The following PWWP2B variants were observed in gnomAD, a reference collection of about 807,000 sequenced individuals.
The protein encoded by PWWP2B is PWWP domain-containing protein 2B.
In PWWP2B, 9 loss-of-function variants were observed where a neutral mutation model predicts 15.5. That is an observed-to-expected ratio of 0.58 (90% CI 0.35 to 1.02). PWWP2B has a LOEUF of 1.02. Ranked by LOEUF, PWWP2B falls within the 50% of genes least tolerant of loss-of-function variation. The pLI is 0.02. For synonymous variants in PWWP2B, 474 were observed against 403.6 expected, an observed-to-expected ratio of 1.17 and a Z score of -2.09; for missense variants, 864 against 865.3, an observed-to-expected ratio of 1.00 and a Z score of 0.02.
chr10:132,405,853 C>T lies in PWWP2B; in HGVS notation c.1353C>T (p.Gly451=), dbSNP rs370742876. ...CGGGTGACCTCTCGCCTGGCCACGG[C>T]GCGTCAGCGCCCTCGGTGTCCAGAG... ...ADTGDLSPGH[G]ASAPSVSREA... The change falls in exon 2 of 3, where the codon GGC becomes GGT. Residue 451 remains glycine (G), a synonymous_variant. Transcript: ENST00000305233. The T allele has an allele frequency of 7.0e-5, 113 of 1,610,880 alleles. 1 individual carries two copies. The Admixed American group carries it at 9.0e-4, about 13-fold the overall frequency.
rs1000554207 is a variant in PWWP2B at position 132,405,776 on chromosome 10, G to A, written c.1276G>A (p.Asp426Asn). The stretch of plus-strand genomic sequence containing the variant: ...TGCCAGTGAGTCGGCGTGCAGCAGC[G>A]ACAGCCTGGACGAGGCCAGATCGTC... ...DCASESACSS[D>N]SLDEARSSGS... is the part of the protein sequence containing the mutation. The change falls in exon 2 of 3, where the codon GAC becomes AAC. Residue 426 changes from aspartate to asparagine, a missense_variant. This residue lies in a region of PWWP2B where 736 missense variants were observed against 687.7 expected (regional missense o/e 1.07). Transcript: ENST00000305233. 5.6e-6 allele frequency: 9 copies of A among 1,606,918 alleles called. No individual in the cohort carries two copies. The highest frequency in any genetic ancestry group is 2.7e-5 in the African/African-American group (2 of 74,926).
chr10:132,416,822 G>T (rs2069863620), intron 2 of PWWP2B, among the ~76,000 whole-genome samples: 1 of 152,130 alleles, frequency 6.6e-6, no homozygotes, highest in African/African-American at 2.4e-5. Flanking sequence ...CCTGTGGACT[G>T]CGGGACTTCA....
chr10:132,414,233 CAT>C (rs571915619), intron 2 of PWWP2B, among the ~76,000 whole-genome samples: 10 of 152,354 alleles, frequency 6.6e-5, no homozygotes, highest in Non-Finnish European at 7.3e-5. Flanking sequence ...GCCCGTTACA[CAT>C]GTTTCTAATG....
At chr10:132,399,117 G>C (rs1246258139) in intron 1 of PWWP2B, among the ~76,000 whole-genome samples, 1 of 151,138 alleles carries the variant, frequency 6.6e-6, no homozygotes, top group Non-Finnish European at 1.5e-5. Flanking sequence ...CCGAGTCCCA[G>C]GGCTCCTGTT....
At chr10:132,401,018 G>A (rs868668862) in intron 1 of PWWP2B, among the ~76,000 whole-genome samples, 13 of 152,346 alleles carry the variant, frequency 8.5e-5, no homozygotes, top group Non-Finnish European at 1.5e-4. Flanking sequence ...TGCTCCTCCC[G>A]GCCATGGTCC....
intron 2 of PWWP2B, among the ~76,000 whole-genome samples, chr10:132,415,754 A>G (rs1360963319): frequency 6.6e-6 from 1 of 151,522 alleles, no homozygotes; most frequent in Non-Finnish European, 1.5e-5. Flanking sequence ...CACACACACA[A>G]TGTTTGGCTA....
At position 132,415,701 on chromosome 10, in the gene PWWP2B, TCACACACATCCACTCA is replaced by T. The variant is rs1219771834; in HGVS notation, c.*17-1337_*17-1322del. ...CACATATCCACACACACATGCACTC[TCACACACATCCACTCA>T]CACACACATCCACTCACACACATCC... On this transcript the variant is annotated intron_variant, in intron 2 of 2. Coordinates refer to ENST00000305233, the MANE Select transcript of PWWP2B (RefSeq NM_138499.4). Among the ~76,000 whole-genome samples, 779 of 126,936 alleles carry T rather than the reference TCACACACATCCACTCA, an allele frequency of 6.1e-3. 13 individuals are homozygous for T. Among genetic ancestry groups the T allele is most frequent in the African/African-American group, 0.017 (521 of 31,308 alleles). The allele number at this position is 126,936 out of a possible 152,430, so 83.3% of individuals were successfully genotyped here. A position where few individuals can be genotyped will look rare whatever the true frequency, so the allele number is the denominator to read the frequency against.
In PWWP2B at chr10:132,404,851, C is replaced by T. The variant is rs779942966; in HGVS notation, c.351C>T (p.Tyr117=). ...TGCCCGCCGGAAGCCTGCCCCCGTA[C>T]CCTCCCTACTTCGAAGGCGCCCCCT... The part of the protein sequence containing the change: ...PPLPAGSLPP[Y]PPYFEGAPFP... The change falls in exon 2 of 3, where the codon TAC becomes TAT. Residue 117 remains tyrosine (Y), a synonymous_variant. Coordinates refer to ENST00000305233, the MANE Select transcript of PWWP2B (RefSeq NM_138499.4). The T allele has an allele frequency of 6.3e-7, 1 of 1,585,334 alleles. No homozygotes were observed. The highest frequency in any genetic ancestry group is 1.1e-5 in the South Asian group (1 of 90,432).
chr10:132,414,627 C>T (rs2069820268), intron 2 of PWWP2B, among the ~76,000 whole-genome samples: 1 of 152,248 alleles, frequency 6.6e-6, no homozygotes, highest in Non-Finnish European at 1.5e-5. Flanking sequence ...ACCTCGCTGT[C>T]AGCCGTGGAG....
chr10:132,405,569 C>T lies in PWWP2B; in HGVS notation c.1069C>T (p.Leu357=). ...GTACCGGGCCGAGCTGGTGGGGGAG[C>T]TGAACGGGTACCTGCGGGACAGCTC... ...PVYRAELVGE[L]NGYLRDSSPA... is the part of the protein sequence containing the mutation. Residue 357 remains leucine, a synonymous_variant, in exon 2 of 3, where the codon CTG becomes TTG. Transcript: ENST00000305233. The T allele has an allele frequency of 3.1e-6, 5 of 1,607,632 alleles. No homozygotes were observed. Among genetic ancestry groups the T allele is most frequent in the Non-Finnish European group, 4.2e-6 (5 of 1,179,196 alleles).
At chr10:132,403,711 G>A (rs1034707272) in intron 1 of PWWP2B, among the ~76,000 whole-genome samples, 2 of 152,256 alleles carry the variant, frequency 1.3e-5, no homozygotes, top group Non-Finnish European at 2.9e-5. Flanking sequence ...CGAGTCCCAG[G>A]ATGAGAAGGC....
At chr10:132,406,988 C>T (rs1230208685) in intron 2 of PWWP2B, among the ~76,000 whole-genome samples, 4 of 152,182 alleles carry the variant, frequency 2.6e-5, no homozygotes, top group African/African-American at 9.6e-5. Flanking sequence ...GCCTCTACTA[C>T]GAGCACTTTC....
At position 132,405,868 on chromosome 10, in the gene PWWP2B, G is replaced by A. The variant is rs765520384; in HGVS notation, c.1368G>A (p.Ser456=). 2.4e-5 allele frequency: 39 copies of A among 1,611,536 alleles called. No individual in the cohort carries two copies. Among genetic ancestry groups the A allele is most frequent in the Middle Eastern group, 3.3e-4 (2 of 6,076 alleles). Residue 456 remains serine, a synonymous_variant, in exon 2 of 3, where the codon TCG becomes TCA. Transcript: ENST00000305233. ...LSPGHGASAP[S]VSREARQTVP... Reference sequence around the variant, plus strand: ...CTGGCCACGGCGCGTCAGCGCCCTCGGTGTCCAGAGAGGCTCGCCAAACGG... The same window carrying A: ...CTGGCCACGGCGCGTCAGCGCCCTCAGTGTCCAGAGAGGCTCGCCAAACGG...
intron 1 of PWWP2B, among the ~76,000 whole-genome samples, chr10:132,402,837 G>T (rs1404370216): frequency 6.6e-6 from 1 of 152,220 alleles, no homozygotes; most frequent in Non-Finnish European, 1.5e-5. Context: ...CACGGACAGC[G>T]TATAAAGGAA....
chr10:132,407,149 GT>G (rs1392320302), intron 2 of PWWP2B, among the ~76,000 whole-genome samples: 3 of 152,166 alleles, frequency 2.0e-5, no homozygotes, highest in Admixed American at 2.0e-4. Flanking sequence ...CCGAGGGGCT[GT>G]TTTCTGCCCT....
chr10:132,400,454 G>A (rs993526335), intron 1 of PWWP2B, among the ~76,000 whole-genome samples: 1 of 152,140 alleles, frequency 6.6e-6, no homozygotes, highest in Non-Finnish European at 1.5e-5. Context: ...GGCCCCACCT[G>A]CTCTCCCCTG....
At chr10:132,416,175 C>A (rs993604871) in intron 2 of PWWP2B, among the ~76,000 whole-genome samples, 1 of 151,990 alleles carries the variant, frequency 6.6e-6, no homozygotes, top group African/African-American at 2.4e-5. Context: ...GGCGGGGCTG[C>A]GACAGGGGCA....
rs2069663492 is a variant in PWWP2B at position 132,404,805 on chromosome 10, C to A, written c.305C>A (p.Pro102His). 6.5e-7 allele frequency: 1 copy of A among 1,536,880 alleles called. No homozygotes were observed. Among genetic ancestry groups the A allele is most frequent in the Non-Finnish European group, 8.8e-7 (1 of 1,136,052 alleles). ...CCCGAGACCACCCGCCCCGAGCCAC[C>A]CCCGCCCCTCGTGCCGCCGCTGCCC... Reference protein sequence around the residue: ...QPPETTRPEPPPPLVPPLPAG... With the variant: ...QPPETTRPEPHPPLVPPLPAG... Residue 102 changes from proline to histidine, a missense_variant, in exon 2 of 3, where the codon CCC (proline) becomes CAC (histidine). Pro to His is a moderately conservative substitution (Grantham distance 77). Coordinates refer to ENST00000305233, the MANE Select transcript of PWWP2B (RefSeq NM_138499.4).
Position 132,415,645 on chromosome 10 carries a change from T to TCA in PWWP2B, c.*17-1407_*17-1406dup, listed in dbSNP as rs35691596. ...ATCACACATCCACTCACACACCCAC[T>TCA]CACACACACATGCACTCACACACTC... On this transcript the variant is annotated intron_variant, in intron 2 of 2. Transcript: ENST00000305233. Among the ~76,000 whole-genome samples the TCA allele has an allele frequency of 9.0e-4, 112 of 123,876 alleles. 1 individual carries two copies. Among genetic ancestry groups the TCA allele is most frequent in the South Asian group, 3.3e-3 (11 of 3,352 alleles). The allele number at this position is 123,876 out of a possible 152,430, so 81.3% of individuals were successfully genotyped here. A position where few individuals can be genotyped will look rare whatever the true frequency, so the allele number is the denominator to read the frequency against.
Sources: allele counts gnomAD v4.1 joint callset (sites outside exome capture counted in the v4.1 genomes callset), GRCh38; gene constraint gnomAD v4.1.1; regional missense constraint gnomAD v4.1.1; transcripts MANE v1.5; gene names NCBI Gene and HGNC (gene_info 2026-07-23, HGNC 2026-07-21).